DRAM1: variants seen among roughly 807,000 people sequenced by gnomAD.
The protein encoded by DRAM1 is DNA damage-regulated autophagy modulator protein 1.
In DRAM1, 25 loss-of-function variants were observed where a neutral mutation model predicts 28.5. The observed-to-expected ratio is 0.88, with a 90% CI of 0.64 to 1.23. DRAM1 has a LOEUF of 1.23. Among genes scored for constraint, DRAM1 ranks in the 50% most tolerant of loss-of-function variants. The probability of loss-of-function intolerance (pLI) is 0.00; values close to 1 mark genes in which losing one functional copy is unlikely to be tolerated. For missense variants in DRAM1, 249 were observed against 299.2 expected, an observed-to-expected ratio of 0.83 and a Z score of 1.24; for synonymous variants, 113 against 114.2, an observed-to-expected ratio of 0.99 and a Z score of 0.07.
At chr12:101,901,649 A>G (rs1873609076) in intron 3 of DRAM1, 2 of 505,912 alleles carry the variant, frequency 4.0e-6, no homozygotes, top group African/African-American at 1.9e-5. Context: ...ACTTTGGGAA[A>G]CTGAGGTGGA....
chr12:101,899,208 AGC>A (rs1333025942), intron 2 of DRAM1, among the ~76,000 whole-genome samples: 1 of 152,216 alleles, frequency 6.6e-6, no homozygotes, highest in Non-Finnish European at 1.5e-5. Context: ...TTTGGAGGTG[AGC>A]AAGGGGAAGT....
chr12:101,877,770 TCGGCGGCGG>T lies in DRAM1; in HGVS notation c.-11_-3del. ...CGGCCCCGCTGGGCGCAGCACTCCG[TCGGCGGCGG>T]CGGCGGCGCGATGCTGTGCTTCCTG... On this transcript the variant is annotated 5_prime_UTR_variant, in exon 1 of 7. Transcript: ENST00000258534. This position sits in a 1 kb window ranked among gnomAD's most constrained non-coding sequence, Gnocchi z 4.1. 1.4e-6 allele frequency: 2 copies of T among 1,477,466 alleles called. No homozygotes were observed. Among genetic ancestry groups the T allele is most frequent in the Non-Finnish European group, 1.8e-6 (2 of 1,109,926 alleles). 91.5% of individuals were successfully genotyped at this position (1,477,466 alleles called of 1,614,324 possible).
intron 5 of DRAM1, among the ~76,000 whole-genome samples, chr12:101,917,991 C>CT (rs1391849368): frequency 6.6e-6 from 1 of 152,188 alleles, no homozygotes; most frequent in East Asian, 1.9e-4. Flanking sequence ...AGTTAAAAAT[C>CT]TGTTATATTC....
intron 5 of DRAM1, among the ~76,000 whole-genome samples, chr12:101,918,544 C>T (rs772906148): frequency 5.3e-5 from 8 of 152,152 alleles, no homozygotes; most frequent in East Asian, 1.9e-4. Flanking sequence ...TGAAGAGTGA[C>T]GCTCGGAGGG....
chr12:101,894,342 C>T (rs1873263554), intron 1 of DRAM1, among the ~76,000 whole-genome samples: 1 of 152,090 alleles, frequency 6.6e-6, no homozygotes, highest in Admixed American at 6.6e-5. Context: ...GTCTTGAACT[C>T]CTAACCCGAA....
intron 3 of DRAM1, among the ~76,000 whole-genome samples, chr12:101,903,446 C>T (rs955457995): frequency 5.3e-5 from 8 of 152,170 alleles, no homozygotes; most frequent in Non-Finnish European, 7.4e-5. Flanking sequence ...GGACAAATAC[C>T]GAATGCTGTC....
chr12:101,912,940 C>T (rs948906937), intron 4 of DRAM1, among the ~76,000 whole-genome samples: 3 of 152,116 alleles, frequency 2.0e-5, no homozygotes, highest in African/African-American at 7.2e-5. Flanking sequence ...GTTGGTCAGA[C>T]TAGTCTCGAA....
chr12:101,920,101 T>G lies in DRAM1; in HGVS notation c.580-8T>G, dbSNP rs1294528513. 3.8e-6 allele frequency: 6 copies of G among 1,570,354 alleles called. No individual in the cohort carries two copies. Among genetic ancestry groups the G allele is most frequent in the Non-Finnish European group, 5.2e-6 (6 of 1,157,502 alleles). On this transcript the variant is annotated splice_region_variant and splice_polypyrimidine_tract_variant and intron_variant, in intron 5 of 6. Transcript: ENST00000258534. ...CGGCTAAATTCTGTTTCTTTATTAT[T>G]GCATTAGGATTATGTATATCACGTA... is the stretch of plus-strand genomic sequence containing the variant.
chr12:101,901,291 G>C lies in DRAM1; in HGVS notation c.200G>C (p.Gly67Ala), dbSNP rs370556925. 1.9e-6 allele frequency: 3 copies of C among 1,607,878 alleles called. No individual in the cohort carries two copies. Among genetic ancestry groups the C allele is most frequent in the Non-Finnish European group, 2.5e-6 (3 of 1,178,022 alleles). Residue 67 changes from glycine to alanine, a missense_variant and splice_region_variant, in exon 3 of 7, where the codon GGT becomes GCT. Coordinates refer to ENST00000258534, the MANE Select transcript of DRAM1 (RefSeq NM_018370.3). ...GFMINFSAFL[G>A]AATMYTRYKI... ...TCATCAAAGTTCTCTTCTTTTTCAG[G>C]TGCAGCCACGATGTATACAAGATAC...
chr12:101,909,214 T>A (rs1242973402), intron 4 of DRAM1, among the ~76,000 whole-genome samples: 1 of 148,180 alleles, frequency 6.7e-6, no homozygotes, highest in Non-Finnish European at 1.5e-5. Flanking sequence ...TGAGCCGAGA[T>A]CACACCATTG....
rs1234736448 is a variant in DRAM1, at chr12:101,877,783, C to T, written c.-7C>T. The T allele has an allele frequency of 2.0e-6, 3 of 1,487,916 alleles. No homozygotes were observed. The East Asian group carries it at 8.5e-5, about 42-fold the overall frequency. The allele number at this position is 1,487,916 out of a possible 1,614,324, so 92.2% of individuals were successfully genotyped here. On this transcript the variant is annotated 5_prime_UTR_variant, in exon 1 of 7. Transcript: ENST00000258534. This position sits in a 1 kb window ranked among gnomAD's most constrained non-coding sequence, Gnocchi z 4.1. ...CGCAGCACTCCGTCGGCGGCGGCGG[C>T]GGCGCGATGCTGTGCTTCCTGAGGG...
chr12:101,881,824 C>T lies in DRAM1; in HGVS notation c.131+3904C>T, dbSNP rs55813401. On this transcript the variant is annotated intron_variant, in intron 1 of 6. Transcript: ENST00000258534. ...TCCAGTCTTATTATTCACCACAGCA[C>T]GTATCACCTTCTAACAAATCATGTG... 9.2e-3 allele frequency among the ~76,000 whole-genome samples: 1,405 copies of T among 152,200 alleles called. 20 individuals are homozygous for T. The highest frequency in any genetic ancestry group is 0.033 in the African/African-American group (1,351 of 41,516).
chr12:101,900,830 A>T (rs916411370), intron 2 of DRAM1, among the ~76,000 whole-genome samples: 14 of 152,140 alleles, frequency 9.2e-5, no homozygotes, highest in Non-Finnish European at 2.9e-5. Context: ...ATATACAAGG[A>T]TATTCATGGC....
rs779048417 is a variant in DRAM1, at chr12:101,901,437, T to C, written c.342+4T>C. ...GGGCATTGTCGCCAATTTTCAGGTATAATCTGGAGCTTTTTCAGTTATGAG... is the reference window on the plus strand; with the variant it reads ...GGGCATTGTCGCCAATTTTCAGGTACAATCTGGAGCTTTTTCAGTTATGAG... On this transcript the variant is annotated splice_donor_region_variant and intron_variant, in intron 3 of 6. Transcript: ENST00000258534. 5 of 1,613,792 alleles carry C rather than the reference T, an allele frequency of 3.1e-6. No homozygotes were observed. The highest frequency in any genetic ancestry group is 1.7e-5 in the Admixed American group (1 of 59,954).
At chr12:101,899,445 C>T (rs1485440933) in intron 2 of DRAM1, among the ~76,000 whole-genome samples, 2 of 151,932 alleles carry the variant, frequency 1.3e-5, no homozygotes, top group Non-Finnish European at 2.9e-5. Flanking sequence ...CTGTTGAGCC[C>T]AGGAGTTCAA....
intron 3 of DRAM1, among the ~76,000 whole-genome samples, chr12:101,906,854 CAAAA>C (rs751751554): frequency 1.5e-5 from 1 of 67,486 alleles, no homozygotes; most frequent in African/African-American, 5.0e-5. Context: ...GACTCTGCCT[CAAAA>C]AAAAAAAAAA....
rs1483717197 is a variant in DRAM1, at chr12:101,923,413, G to C, written c.*2153G>C. ...GGAGCTCCTTGAGGGCAGAGTACGTGCCTTAATCTTTATCTTTGTAATGCC... is the reference window on the plus strand; with the variant it reads ...GGAGCTCCTTGAGGGCAGAGTACGTCCCTTAATCTTTATCTTTGTAATGCC... On this transcript the variant is annotated 3_prime_UTR_variant, in exon 7 of 7. Transcript: ENST00000258534. 4 of 152,184 alleles carry C rather than the reference G, an allele frequency of 2.6e-5. No individual in the cohort carries two copies. In the South Asian group the frequency reaches 8.3e-4, roughly 31 times the overall value. The allele number at this position is 152,184 out of a possible 1,614,324, so 9.4% of individuals were successfully genotyped here. A position where few individuals can be genotyped will look rare whatever the true frequency, so the allele number is the denominator to read the frequency against.
At position 101,877,663 on chromosome 12, in the gene DRAM1, C is replaced by A. The variant is rs7313338; in HGVS notation, c.-127C>A. On this transcript the variant is annotated 5_prime_UTR_variant, in exon 1 of 7. Coordinates refer to ENST00000258534, the MANE Select transcript of DRAM1 (RefSeq NM_018370.3). This position sits in a 1 kb window ranked among gnomAD's most constrained non-coding sequence, Gnocchi z 4.1. ...CCTCCGGGGCTGGGCCTGCCCCGGC[C>A]GTCGCGGAGCCTCCCCTCCCACCGT... 5 of 627,400 alleles carry A rather than the reference C, an allele frequency of 8.0e-6. No homozygotes were observed. The highest frequency in any genetic ancestry group is 6.7e-6 in the Non-Finnish European group (3 of 448,266). The allele number at this position is 627,400 out of a possible 1,614,324, so 38.9% of individuals were successfully genotyped here.
rs77850154 is a variant in DRAM1 at position 101,887,245 on chromosome 12, G to A, written c.131+9325G>A. On this transcript the variant is annotated intron_variant, in intron 1 of 6. Coordinates refer to ENST00000258534, the MANE Select transcript of DRAM1 (RefSeq NM_018370.3). ...CCTTTTTGGTAATTATCTGACAGCT[G>A]TAAAGATTTAGGAAACTGGTATAAG... 9.9e-4 allele frequency among the ~76,000 whole-genome samples: 150 copies of A among 152,210 alleles called. 1 individual carries two copies. The East Asian group carries it at 0.026, about 26-fold the overall frequency.
Sources: allele counts gnomAD v4.1 joint callset (sites outside exome capture counted in the v4.1 genomes callset), GRCh38; gene constraint gnomAD v4.1.1; non-coding constraint Gnocchi (gnomAD v3.1); transcripts MANE v1.5; gene names NCBI Gene and HGNC (gene_info 2026-07-23, HGNC 2026-07-21).